Variants in AGMO observed in about 807,000 individuals in gnomAD.
The protein encoded by AGMO is alkylglycerol monooxygenase.
In AGMO, 75 loss-of-function variants were observed where a neutral mutation model predicts 60.2. The ratio of observed to expected loss-of-function variants is 1.25; its 90% confidence interval spans 1.03 to 1.51. The LOEUF is 1.51. Among genes scored for constraint, AGMO ranks in the 40% most tolerant of loss-of-function variants. The pLI, the probability that AGMO is intolerant of heterozygous loss-of-function variation, is 0.00. For missense variants in AGMO, 763 were observed against 525.5 expected, an observed-to-expected ratio of 1.45 and a Z score of -4.42; for synonymous variants, 261 against 177.1, an observed-to-expected ratio of 1.47 and a Z score of -3.76.
intron 12 of AGMO, among the ~76,000 whole-genome samples, chr7:15,339,449 T>C (rs1176169036): frequency 1.3e-5 from 2 of 152,216 alleles, no homozygotes; most frequent in African/African-American, 4.8e-5. Flanking sequence ...ATTATGCATA[T>C]AATTATATCT....
chr7:15,208,665 AT>A (rs1781500190), intron 12 of AGMO, among the ~76,000 whole-genome samples: 1 of 152,146 alleles, frequency 6.6e-6, no homozygotes, highest in African/African-American at 2.4e-5. Flanking sequence ...TGATAGCACT[AT>A]TTTTTGAAGT....
chr7:15,286,266 A>C (rs1784094455), intron 12 of AGMO, among the ~76,000 whole-genome samples: 1 of 152,172 alleles, frequency 6.6e-6, no homozygotes, highest in Non-Finnish European at 1.5e-5. Context: ...AAAAGAATTA[A>C]TCATCAGAGT....
chr7:15,400,417 A>C (rs1453542227), intron 5 of AGMO, among the ~76,000 whole-genome samples: 1 of 152,178 alleles, frequency 6.6e-6, no homozygotes, highest in Non-Finnish European at 1.5e-5. Flanking sequence ...AGTAAGAATT[A>C]TCTGGTACAA....
intron 3 of AGMO, among the ~76,000 whole-genome samples, chr7:15,437,787 G>A (rs1260706654): frequency 2.6e-5 from 4 of 152,016 alleles, no homozygotes; most frequent in African/African-American, 9.7e-5. Context: ...TGATCCGCCC[G>A]CCTCGGCCTC....
chr7:15,493,362 C>CACACACACTT lies in AGMO; in HGVS notation c.409+51409_409+51410insAAGTGTGTGT, dbSNP rs71004386. On this transcript the variant is annotated intron_variant, in intron 3 of 12. Coordinates refer to ENST00000342526, the MANE Select transcript of AGMO (RefSeq NM_001004320.2). ...ACACACACACACACACACACACACA[C>CACACACACTT]TTCTTTTTTTTTTTTTTTTTTTTTT... Among the ~76,000 whole-genome samples the CACACACACTT allele has an allele frequency of 2.9e-5, 3 of 102,262 alleles. 1 individual carries two copies. Among genetic ancestry groups the CACACACACTT allele is most frequent in the South Asian group, 6.2e-4 (2 of 3,222 alleles). 67.1% of individuals were successfully genotyped at this position (102,262 alleles called of 152,430 possible). A position where few individuals can be genotyped will look rare whatever the true frequency, so the allele number is the denominator to read the frequency against.
intron 3 of AGMO, among the ~76,000 whole-genome samples, chr7:15,506,920 T>C (rs958716179): frequency 2.6e-5 from 4 of 151,932 alleles, no homozygotes; most frequent in African/African-American, 9.7e-5. Context: ...TAAAGAAAAT[T>C]AATTTTTCCT....
At chr7:15,433,425 C>T (rs916430890) in intron 3 of AGMO, among the ~76,000 whole-genome samples, 26 of 137,230 alleles carry the variant, frequency 1.9e-4, no homozygotes, top group Non-Finnish European at 8.1e-5. Context: ...TGTCACTTTT[C>T]AGAATTGGTA....
intron 3 of AGMO, among the ~76,000 whole-genome samples, chr7:15,501,223 G>C (rs1201456980): frequency 6.6e-6 from 1 of 151,786 alleles, no homozygotes; most frequent in African/African-American, 2.4e-5. Context: ...TTGATTTCAG[G>C]ACCTGAATAT....
At chr7:15,258,493 C>T (rs937776180) in intron 12 of AGMO, among the ~76,000 whole-genome samples, 6 of 151,228 alleles carry the variant, frequency 4.0e-5, no homozygotes, top group African/African-American at 1.5e-4. Flanking sequence ...TGCAGTGAGC[C>T]GAGAATGCAC....
chr7:15,192,840 A>T, the AGMO span, among the ~76,000 whole-genome samples: 5 of 152,162 alleles, frequency 3.3e-5, no homozygotes, highest in Admixed American at 1.3e-4. Context: ...CCCTGTCGTA[A>T]GTCCCATAAG....
At chr7:15,217,679 AAAT>A (rs1246977675) in intron 12 of AGMO, among the ~76,000 whole-genome samples, 1 of 152,058 alleles carries the variant, frequency 6.6e-6, no homozygotes, top group Non-Finnish European at 1.5e-5. Flanking sequence ...ACTCAGAAGA[AAAT>A]AATGCAAGAT....
chr7:15,247,712 T>C (rs1392619797), intron 12 of AGMO, among the ~76,000 whole-genome samples: 2 of 152,152 alleles, frequency 1.3e-5, no homozygotes, highest in Non-Finnish European at 2.9e-5. Flanking sequence ...GACTAAATTA[T>C]ATCACTTTAT....
chr7:15,237,034 G>C (rs1394446895), intron 12 of AGMO, among the ~76,000 whole-genome samples: 2 of 152,096 alleles, frequency 1.3e-5, no homozygotes, highest in Non-Finnish European at 2.9e-5. Context: ...TTGAGGCAAA[G>C]AAAGATCCTT....
At chr7:15,408,281 A>C (rs1365587273) in intron 5 of AGMO, among the ~76,000 whole-genome samples, 1 of 151,818 alleles carries the variant, frequency 6.6e-6, no homozygotes. Context: ...GGACAAGGGA[A>C]AGTCATTTAA....
At chr7:15,329,385 T>C (rs1475166013) in intron 12 of AGMO, among the ~76,000 whole-genome samples, 1 of 152,118 alleles carries the variant, frequency 6.6e-6, no homozygotes, top group African/African-American at 2.4e-5. Context: ...AATTTAAGTT[T>C]AGTAGTGCAG....
chr7:15,253,656 A>G (rs1783012547), intron 12 of AGMO, among the ~76,000 whole-genome samples: 1 of 152,222 alleles, frequency 6.6e-6, no homozygotes. Context: ...CATAATAATT[A>G]GTATATCCAT....
At chr7:15,497,774 A>C (rs1244733328) in intron 3 of AGMO, among the ~76,000 whole-genome samples, 1 of 152,086 alleles carries the variant, frequency 6.6e-6, no homozygotes, top group Non-Finnish European at 1.5e-5. Flanking sequence ...GAAAGCCTAC[A>C]AAAATCAACA....
At position 15,385,678 on chromosome 7, in the gene AGMO, C is replaced by T. The variant is rs997072272; in HGVS notation, c.958-116G>A. On this transcript the variant is annotated intron_variant, in intron 9 of 12. Transcript: ENST00000342526. The stretch of plus-strand genomic sequence containing the variant: ...GCTATTTTTTTTAAAAAAAGACAAA[C>T]ATAATTTTTAAAAATAGAAACATGT... 6 of 687,890 alleles carry T rather than the reference C, an allele frequency of 8.7e-6. No individual in the cohort carries two copies. The African/African-American group carries it at 9.3e-5, about 11-fold the overall frequency. The allele number at this position is 687,890 out of a possible 1,614,324, so 42.6% of individuals were successfully genotyped here. A position where few individuals can be genotyped will look rare whatever the true frequency, so the allele number is the denominator to read the frequency against.
intron 3 of AGMO, among the ~76,000 whole-genome samples, chr7:15,432,331 T>TATATATATATACATAC (rs1273136437): frequency 8.3e-4 from 93 of 112,012 alleles, no homozygotes; most frequent in South Asian, 3.0e-4. Context: ...TATATATGTA[T>TATATATATATACATAC]ATATATATAT....
Sources: gnomAD v4.1 joint callset for allele counts (sites outside exome capture counted in the v4.1 genomes callset) on GRCh38, gnomAD v4.1.1 for gene constraint, MANE v1.5 for transcripts, NCBI Gene and HGNC (gene_info 2026-07-23, HGNC 2026-07-21) for gene names.